TLR6: variants seen among roughly 807,000 people sequenced by gnomAD.
TLR6 encodes toll like receptor 6, also known as toll-like receptor 6.
TLR6 carries 9 observed loss-of-function variants against 16.1 expected under a neutral mutation model. The ratio of observed to expected loss-of-function variants is 0.56; its 90% CI spans 0.34 to 0.98. TLR6 has a LOEUF of 0.98. Ranked by LOEUF, TLR6 falls within the 50% of genes least tolerant of loss-of-function variation. The pLI is 0.02. For missense variants in TLR6, 786 were observed against 921.0 expected (o/e 0.85, Z 1.90); for synonymous variants, 340 against 338.6 (o/e 1.00, Z -0.04).
intron 1 of TLR6, among the ~76,000 whole-genome samples, chr4:38,833,506 C>T (rs1711740093): frequency 6.6e-6 from 1 of 152,178 alleles, no homozygotes; most frequent in Non-Finnish European, 1.5e-5. Flanking sequence ...AGCCAAAGCA[C>T]CCTATACTCA....
At chr4:38,861,020 C>T (rs1437026317), upstream of TLR6, among the ~76,000 whole-genome samples, 1 of 152,146 alleles carries the variant, frequency 6.6e-6, no homozygotes, top group Non-Finnish European at 1.5e-5. Flanking sequence ...GGCCTGAGCA[C>T]AGCGCCCTCT....
exon 2 of TLR6, chr4:38,829,233 A>G: frequency 6.2e-7 from 1 of 1,614,182 alleles, no homozygotes; most frequent in Non-Finnish European, 8.5e-7. Context: ...GAAAGTCTCA[A>G]AACTGTCAAC....
exon 2 of TLR6, chr4:38,828,185 A>G: frequency 5.6e-6 from 9 of 1,614,170 alleles, no homozygotes; most frequent in Non-Finnish European, 7.6e-6. Context: ...TAACACCACT[A>G]TACTCTCAAC....
At chr4:38,828,250 C>T (rs970392620) in exon 2 of TLR6, 11 of 1,613,464 alleles carry the variant, frequency 6.8e-6, no homozygotes, top group South Asian at 1.1e-5. Flanking sequence ...AGCTAACATC[C>T]AGTATTTCCA....
the TLR6 span, among the ~76,000 whole-genome samples, chr4:38,864,837 C>T: frequency 7.1e-3 from 1,076 of 152,082 alleles, 16 homozygotes; most frequent in African/African-American, 0.025. Context: ...CACAGCAAGA[C>T]CACGACTCTA....
rs1457556098 is a variant in TLR6 at position 38,829,116 on chromosome 4, T to C, written c.358A>G (p.Ile120Val). The change falls in exon 2 of 2, where the codon ATT becomes GTT. Residue 120 changes from isoleucine to valine, a missense_variant. Transcript: ENST00000436693. ...AGATCTAAATGCCTGAAACTCACAATAGGATGGCAGGATATCTTTTGCAAC... is the reference window on the plus strand; with the variant it reads ...AGATCTAAATGCCTGAAACTCACAACAGGATGGCAGGATATCTTTTGCAAC... 1.9e-6 allele frequency: 3 copies of C among 1,614,016 alleles called. No homozygotes were observed. The highest frequency in any genetic ancestry group is 2.2e-5 in the East Asian group (1 of 44,880).
upstream of TLR6, among the ~76,000 whole-genome samples, chr4:38,857,870 C>G (rs1349593697): frequency 6.6e-6 from 1 of 152,124 alleles, no homozygotes; most frequent in African/African-American, 2.4e-5. Context: ...AGGAGACAGC[C>G]AGAAAGCAGC....
chr4:38,853,259 T>C (rs1381069036), intron 1 of TLR6, among the ~76,000 whole-genome samples: 1 of 146,686 alleles, frequency 6.8e-6, no homozygotes, highest in Non-Finnish European at 1.5e-5. Flanking sequence ...AGGGAAAGCA[T>C]TAGGAGATAT....
At chr4:38,858,828 AGAGG>A (rs1397769367), upstream of TLR6, among the ~76,000 whole-genome samples, 24 of 96,234 alleles carry the variant, frequency 2.5e-4, no homozygotes, top group East Asian at 3.7e-3. Context: ...AGAGAGAGAG[AGAGG>A]AAGAAAGAAA....
exon 2 of TLR6, chr4:38,826,904 C>CTAGT: frequency 3.6e-6 from 2 of 554,320 alleles, no homozygotes; most frequent in Non-Finnish European, 6.2e-6. Context: ...TGGGCTGTCT[C>CTAGT]TAACTGGCAG....
At chr4:38,851,786 T>A (rs1048786425) in intron 1 of TLR6, among the ~76,000 whole-genome samples, 7 of 152,156 alleles carry the variant, frequency 4.6e-5, no homozygotes, top group Non-Finnish European at 1.0e-4. Context: ...ATCAATATCA[T>A]GAAAATGGCC....
chr4:38,859,087 G>T (rs73236643), upstream of TLR6, among the ~76,000 whole-genome samples: 31,049 of 152,104 alleles, frequency 0.2, 4,016 homozygotes, highest in Non-Finnish European at 0.28. Flanking sequence ...GCGCAGCTGG[G>T]TAATCGTTCC....
chr4:38,828,708 G>A lies in TLR6; in HGVS notation c.766C>T (p.Leu256Phe), dbSNP rs912839798. 7 of 1,614,146 alleles carry A rather than the reference G, an allele frequency of 4.3e-6. No homozygotes were observed. The Admixed American group carries it at 1.2e-4, about 27-fold the overall frequency. Residue 256 changes from leucine (L) to phenylalanine (F), a missense_variant, in exon 2 of 2, where the codon CTC becomes TTC. Coordinates refer to ENST00000436693, the Ensembl canonical transcript of TLR6. Reference sequence around the variant, plus strand: ...TTCCAAGTCGTTTCTATGTGGTTGAGGGTAAAATTCAGTAAGGTTGAACCT... The same window carrying A: ...TTCCAAGTCGTTTCTATGTGGTTGAAGGTAAAATTCAGTAAGGTTGAACCT...
At chr4:38,853,524 C>T (rs1712854536) in intron 1 of TLR6, among the ~76,000 whole-genome samples, 1 of 151,954 alleles carries the variant, frequency 6.6e-6, no homozygotes, top group Non-Finnish European at 1.5e-5. Context: ...TGTGGAAAGC[C>T]AAAGAGAAGT....
intron 1 of TLR6, among the ~76,000 whole-genome samples, chr4:38,837,086 GAACACAAAAAAA>G (rs1711965522): frequency 6.6e-6 from 1 of 151,848 alleles, no homozygotes; most frequent in East Asian, 1.9e-4. Context: ...AAGAAATTGA[GAACACAAAAAAA>G]TGGAAAGACA....
At chr4:38,858,467 C>T (rs1435732002), upstream of TLR6, among the ~76,000 whole-genome samples, 2 of 152,064 alleles carry the variant, frequency 1.3e-5, no homozygotes, top group Admixed American at 6.5e-5. Flanking sequence ...TGCCTGTAAT[C>T]CCAGCACTTC....
chr4:38,860,210 A>C (rs145622274), upstream of TLR6, among the ~76,000 whole-genome samples: 1,179 of 152,268 alleles, frequency 7.7e-3, 9 homozygotes, highest in Non-Finnish European at 0.013. Flanking sequence ...AGTGGCTCAC[A>C]CTTGTAATCT....
intron 1 of TLR6, among the ~76,000 whole-genome samples, chr4:38,851,092 A>C (rs1712754275): frequency 6.6e-6 from 1 of 152,248 alleles, no homozygotes; most frequent in African/African-American, 2.4e-5. Flanking sequence ...AAATCAATAA[A>C]TGTAATCCAG....
chr4:38,863,294 G>T, the TLR6 span, among the ~76,000 whole-genome samples: 1 of 151,996 alleles, frequency 6.6e-6, no homozygotes, highest in East Asian at 1.9e-4. Context: ...TAACTCATTG[G>T]CATTCCTTCC....
Sources: allele counts gnomAD v4.1 joint callset (sites outside exome capture counted in the v4.1 genomes callset), GRCh38; gene constraint gnomAD v4.1.1; transcripts MANE v1.5; gene names NCBI Gene and HGNC (gene_info 2026-07-23, HGNC 2026-07-21).